Variants in ITGA2 observed in about 807,000 individuals in gnomAD.
ITGA2 encodes the protein integrin subunit alpha 2.
Under a neutral mutation model 146.3 loss-of-function variants are expected in ITGA2, and 101 were observed. That is an observed-to-expected ratio of 0.69 (90% CI 0.59 to 0.81). The LOEUF is 0.81. Among genes scored for constraint, ITGA2 ranks in the 40% least tolerant of loss-of-function variants. The probability of loss-of-function intolerance (pLI) is 0.00; values close to 1 mark genes in which losing one functional copy is unlikely to be tolerated. For missense variants in ITGA2, 1,281 were observed against 1,402.7 expected, an observed-to-expected ratio of 0.91 and a Z score of 1.39; for synonymous variants, 477 against 487.1, an observed-to-expected ratio of 0.98 and a Z score of 0.27.
At chr5:53,048,300 G>C (rs1744188667) in intron 4 of ITGA2, 63 bp from the exon 5 acceptor site, 7 of 1,171,256 alleles carry the variant, frequency 6.0e-6, no homozygotes, top group African/African-American at 1.5e-5. Context: ...GCTCCATAAT[G>C]GAGAGGTAGA....
intron 1 of ITGA2, among the ~76,000 whole-genome samples, chr5:52,994,925 G>A (rs1291925927): frequency 6.6e-6 from 1 of 152,154 alleles, no homozygotes; most frequent in African/African-American, 2.4e-5. Flanking sequence ...ATGGAAACAG[G>A]TAAGAATCAT....
rs931432799 is a variant in ITGA2, at chr5:53,008,520, G to A, written c.65-18228G>A. On this transcript the variant is annotated intron_variant, in intron 1 of 29. Transcript: ENST00000296585. ...GTTTATTTCTGGTCATGGAAGTGACGCTCATGTATTTCTTTGATATGAACA... is the reference window on the plus strand; with the variant it reads ...GTTTATTTCTGGTCATGGAAGTGACACTCATGTATTTCTTTGATATGAACA... 5.3e-5 allele frequency among the ~76,000 whole-genome samples: 8 copies of A among 151,816 alleles called. 1 individual carries two copies. The highest frequency in any genetic ancestry group is 8.8e-5 in the Non-Finnish European group (6 of 67,972).
chr5:53,019,030 C>T (rs1394263340), intron 1 of ITGA2, among the ~76,000 whole-genome samples: 1 of 151,948 alleles, frequency 6.6e-6, no homozygotes, highest in African/African-American at 2.4e-5. Flanking sequence ...TGCCATTGCT[C>T]TCCAGCCTGG....
chr5:52,997,548 A>C (rs546904641), intron 1 of ITGA2, among the ~76,000 whole-genome samples: 10 of 152,328 alleles, frequency 6.6e-5, no homozygotes, highest in Non-Finnish European at 1.2e-4. Context: ...GAGCAAAGCT[A>C]TTGCACCGAT....
At chr5:53,081,483 C>A (rs1338227267) in intron 25 of ITGA2, 109 bp from the exon 26 acceptor site, 1 of 817,376 alleles carries the variant, frequency 1.2e-6, no homozygotes, top group Admixed American at 2.0e-5. Flanking sequence ...AGAAGCCTAA[C>A]AGCCCTTCCC....
At chr5:53,059,846 AAT>A (rs778186435) in intron 10 of ITGA2, 26 bp from the exon 11 acceptor site, 12 of 1,608,506 alleles carry the variant, frequency 7.5e-6, no homozygotes, top group Non-Finnish European at 1.0e-5. Context: ...GATTTGTTTC[AAT>A]GATCTTCATT....
At chr5:53,023,746 A>G (rs1183546442) in intron 1 of ITGA2, among the ~76,000 whole-genome samples, 1 of 152,254 alleles carries the variant, frequency 6.6e-6, no homozygotes, top group East Asian at 1.9e-4. Flanking sequence ...GAGGACAGAC[A>G]TCAGAAGATA....
chr5:52,991,734 C>G (rs1462806739), intron 1 of ITGA2, among the ~76,000 whole-genome samples: 2 of 152,114 alleles, frequency 1.3e-5, no homozygotes, highest in Admixed American at 6.6e-5. Flanking sequence ...TTCAAATTTG[C>G]TTTCCAGAAA....
chr5:53,043,691 GA>G (rs1240579764), intron 3 of ITGA2, among the ~76,000 whole-genome samples: 1 of 152,188 alleles, frequency 6.6e-6, no homozygotes, highest in Non-Finnish European at 1.5e-5. Flanking sequence ...AACAAGAGAT[GA>G]TACTTTTTGT....
intron 1 of ITGA2, among the ~76,000 whole-genome samples, chr5:53,006,511 G>T (rs926174754): frequency 6.6e-6 from 1 of 152,130 alleles, no homozygotes. Flanking sequence ...GGATTTATTA[G>T]TTAATTAAAC....
At chr5:53,084,509 A>G (rs1052365664) in intron 27 of ITGA2, among the ~76,000 whole-genome samples, 3 of 152,226 alleles carry the variant, frequency 2.0e-5, no homozygotes, top group African/African-American at 7.2e-5. Flanking sequence ...AAAACGGAAT[A>G]GTAAAAGTTA....
intron 1 of ITGA2, chr5:52,990,355 C>T (rs537332133): frequency 4.6e-5 from 7 of 152,492 alleles, no homozygotes; most frequent in African/African-American, 1.7e-4. Flanking sequence ...AGTTCTTTTA[C>T]ACTAAGAGGA....
intron 3 of ITGA2, 128 bp downstream of exon 3, chr5:53,042,349 A>G (rs2111886310): frequency 1.4e-6 from 1 of 695,050 alleles, no homozygotes; most frequent in Non-Finnish European, 2.6e-6. Flanking sequence ...GTCTTTAGTA[A>G]TATGGGGCAC....
chr5:52,995,667 C>T (rs1741206154), intron 1 of ITGA2, among the ~76,000 whole-genome samples: 1 of 152,182 alleles, frequency 6.6e-6, no homozygotes, highest in Admixed American at 6.5e-5. Context: ...GGATGTACAC[C>T]TGGATGTATA....
At chr5:53,070,372 T>C in intron 17 of ITGA2, 112 bp downstream of exon 17, 1 of 945,174 alleles carries the variant, frequency 1.1e-6, no homozygotes, top group Non-Finnish European at 1.7e-6. Context: ...TTCCAATGAA[T>C]GCCTTTCTTA....
chr5:53,083,574 C>G lies in ITGA2; in HGVS notation c.3258+121C>G. The G allele has an allele frequency of 4.1e-6, 3 of 729,786 alleles. No homozygotes were observed. The South Asian group carries it at 4.4e-5, about 11-fold the overall frequency. The allele number at this position is 729,786 out of a possible 1,614,324, so 45.2% of individuals were successfully genotyped here. A position where few individuals can be genotyped will look rare whatever the true frequency, so the allele number is the denominator to read the frequency against. Reference sequence around the variant, plus strand: ...CTAATGTCTGCAATGGCCAAATAACCCAGAGCATTTTACCCTGAAAGGCAG... The same window carrying G: ...CTAATGTCTGCAATGGCCAAATAACGCAGAGCATTTTACCCTGAAAGGCAG... On this transcript the variant is annotated intron_variant, in intron 27 of 29. Coordinates refer to ENST00000296585, the MANE Select transcript of ITGA2 (RefSeq NM_002203.4).
chr5:53,054,632 TG>T (rs550092066), intron 7 of ITGA2, among the ~76,000 whole-genome samples: 54 of 152,216 alleles, frequency 3.5e-4, no homozygotes, highest in African/African-American at 1.2e-3. Flanking sequence ...TAAAATATTA[TG>T]CAGACATTTA....
intron 1 of ITGA2, among the ~76,000 whole-genome samples, chr5:53,006,887 C>A (rs957508548): frequency 6.6e-6 from 1 of 152,156 alleles, no homozygotes; most frequent in African/African-American, 2.4e-5. Context: ...TAATCAACTT[C>A]ATCAATTCAG....
intron 1 of ITGA2, among the ~76,000 whole-genome samples, chr5:52,993,467 T>C (rs1336037085): frequency 6.6e-6 from 1 of 152,218 alleles, no homozygotes; most frequent in African/African-American, 2.4e-5. Context: ...TTTCCTAAGA[T>C]TAAAATTCCA....
Sources: gnomAD v4.1 joint callset for allele counts (sites outside exome capture counted in the v4.1 genomes callset) on GRCh38, gnomAD v4.1.1 for gene constraint, MANE v1.5 for transcripts, NCBI Gene and HGNC (gene_info 2026-07-23, HGNC 2026-07-21) for gene names.